Variants in ZNF638 observed in about 807,000 individuals in gnomAD.
ZNF638 encodes zinc finger protein 638, also known as CTCL tumor antigen se33-1.
ZNF638 carries 46 observed loss-of-function variants against 195.6 expected under a neutral mutation model. The observed-to-expected ratio is 0.24, with a 90% CI of 0.19 to 0.30. ZNF638 has a LOEUF of 0.30. Among genes scored for constraint, ZNF638 ranks in the 10% least tolerant of loss-of-function variants. The probability of loss-of-function intolerance (pLI) is 1.00; values close to 1 mark genes in which losing one functional copy is unlikely to be tolerated. For missense variants in ZNF638, 2,440 were observed against 2,325.3 expected (o/e 1.05, Z -1.01); for synonymous variants, 845 against 772.0 (o/e 1.09, Z -1.57).
chr2:71,410,978 C>G (rs868507755), intron 20 of ZNF638, among the ~76,000 whole-genome samples: 1 of 60,504 alleles, frequency 1.7e-5, no homozygotes, highest in African/African-American at 6.2e-5. Flanking sequence ...TCCCCACCCA[C>G]CACCTCCCCC....
chr2:71,364,961 A>G (rs1413761153), intron 5 of ZNF638, among the ~76,000 whole-genome samples: 4 of 152,202 alleles, frequency 2.6e-5, no homozygotes, highest in Admixed American at 6.5e-5. Flanking sequence ...TAAGCTCAAC[A>G]TTAAAATGTG....
chr2:71,403,886 A>G lies in ZNF638; in HGVS notation c.2846A>G (p.Asn949Ser), dbSNP rs140933858. 7.6e-6 allele frequency: 12 copies of G among 1,577,126 alleles called. No homozygotes were observed. The highest frequency in any genetic ancestry group is 1.8e-5 in the Admixed American group (1 of 55,832). Residue 949 changes from asparagine (N) to serine (S), a missense_variant, in exon 17 of 28, where the codon AAT (asparagine) becomes AGT (serine). Physicochemically the swap from Asn to Ser is conservative, Grantham distance 46. Around this residue, in one of 5 missense-constraint regions of ZNF638, gnomAD observed 1,883 missense variants for 1,739.1 expected, o/e 1.08. Transcript: ENST00000264447. ...TTTTAAAAGGCATATATAGAAATAA[A>G]TAGAAAAGCTGCTGAGTCTATGGTA... is the stretch of plus-strand genomic sequence containing the variant. ...SSHKKAYIEI[N>S]RKAAESMVKF...
At chr2:71,350,471 A>G (rs937630877) in intron 2 of ZNF638, among the ~76,000 whole-genome samples, 200 bp downstream of exon 2, 1 of 152,204 alleles carries the variant, frequency 6.6e-6, no homozygotes, top group African/African-American at 2.4e-5. Flanking sequence ...CTGTATTCCT[A>G]TGACCGGGCA....
chr2:71,399,763 G>A, intron 13 of ZNF638, 118 bp downstream of exon 13: 1 of 779,268 alleles, frequency 1.3e-6, no homozygotes, highest in Non-Finnish European at 2.1e-6. Flanking sequence ...GGGGTTTGTT[G>A]TACAGGTTAT....
At chr2:71,408,296 A>G (rs772165187) in intron 20 of ZNF638, 49 bp downstream of exon 20, 3 of 1,582,992 alleles carry the variant, frequency 1.9e-6, no homozygotes, top group Admixed American at 1.8e-5. Flanking sequence ...AATACAGAGA[A>G]CATAAAGGTC....
Position 71,349,425 on chromosome 2 carries a change from T to G in ZNF638, c.471T>G (p.Leu157=), listed in dbSNP as rs2078905442. ...TATCTAATGAAGACCTAGAAGAACT[T>G]AGTCGCTATCCTGATGAACAACTAA... ...FGLSNEDLEE[L]SRYPDEQLTP... Residue 157 remains leucine, a synonymous_variant, in exon 2 of 28, where the codon CTT becomes CTG. Transcript: ENST00000264447. 40 of 1,614,192 alleles carry G rather than the reference T, an allele frequency of 2.5e-5. No individual in the cohort carries two copies. Among genetic ancestry groups the G allele is most frequent in the Non-Finnish European group, 3.4e-5 (40 of 1,180,028 alleles).
chr2:71,360,828 T>A (rs979501205), intron 3 of ZNF638, among the ~76,000 whole-genome samples: 25 of 152,304 alleles, frequency 1.6e-4, no homozygotes, highest in Admixed American at 1.6e-3. Context: ...CCACCTTTGT[T>A]GGGAGCGTTA....
intron 8 of ZNF638, 88 bp downstream of exon 8, chr2:71,370,093 CA>C (rs2079281847): frequency 7.3e-7 from 1 of 1,376,708 alleles, no homozygotes; most frequent in Non-Finnish European, 1.0e-6. Context: ...TAGAAATAGG[CA>C]TAGAAACATA....
intron 1 of ZNF638, among the ~76,000 whole-genome samples, chr2:71,337,754 C>CTCCACCTGTCTCGGCCTCCCA (rs1553463717): frequency 1.3e-5 from 2 of 150,820 alleles, no homozygotes; most frequent in African/African-American, 2.4e-5. Context: ...TCAATTGACC[C>CTCCACCTGTCTCGGCCTCCCA]AATATTGTTT....
Position 71,400,484 on chromosome 2 carries a change from C to T in ZNF638, c.2663C>T (p.Ala888Val). 1 of 1,606,796 alleles carries T rather than the reference C, an allele frequency of 6.2e-7. No individual in the cohort carries two copies. Among genetic ancestry groups the T allele is most frequent in the Non-Finnish European group, 8.5e-7 (1 of 1,177,542 alleles). Residue 888 changes from alanine to valine, a missense_variant, in exon 15 of 28, where the codon GCT becomes GTT. Physicochemically the swap from Ala to Val is moderately conservative, Grantham distance 64. This residue lies in a region of ZNF638 where 1,883 missense variants were observed against 1,739.1 expected (regional missense o/e 1.08). Coordinates refer to ENST00000264447, the MANE Select transcript of ZNF638 (RefSeq NM_014497.5). The stretch of plus-strand genomic sequence containing the variant: ...AATTTTATTTTGTATTAAGATGCTG[C>T]TTTGGAGGCCACAGAGAATGAACCA... ...NCAKEAISDA[A>V]LEATENEPLN... is the part of the protein sequence containing the mutation.
chr2:71,342,406 A>G (rs1352578706), intron 1 of ZNF638, among the ~76,000 whole-genome samples: 1 of 151,812 alleles, frequency 6.6e-6, no homozygotes, highest in Non-Finnish European at 1.5e-5. Context: ...GCCCCACTAC[A>G]CATGTTCACT....
intron 19 of ZNF638, chr2:71,407,694 T>A (rs1324246764): frequency 6.5e-6 from 1 of 152,708 alleles, no homozygotes; most frequent in Non-Finnish European, 1.5e-5. Context: ...CTTTTGACAA[T>A]AACTCGCCAT....
intron 20 of ZNF638, among the ~76,000 whole-genome samples, chr2:71,408,960 A>G (rs1385486055): frequency 6.6e-6 from 1 of 152,138 alleles, no homozygotes; most frequent in Non-Finnish European, 1.5e-5. Flanking sequence ...TGATAATTTC[A>G]GAAAAAAATA....
chr2:71,402,121 G>T, intron 16 of ZNF638, 34 bp downstream of exon 16: 1 of 1,555,086 alleles, frequency 6.4e-7, no homozygotes, highest in Non-Finnish European at 8.7e-7. Flanking sequence ...CATATCCTCT[G>T]CAAGCATGCA....
At chr2:71,335,087 CTT>C (rs2078642725) in intron 1 of ZNF638, among the ~76,000 whole-genome samples, 2 of 152,284 alleles carry the variant, frequency 1.3e-5, no homozygotes, top group South Asian at 4.1e-4. Context: ...GGATCTCACT[CTT>C]TCTCTAAGGC....
rs993924674 is a variant in ZNF638, at chr2:71,424,107, G to A, written c.4524+69G>A. 8 of 1,523,754 alleles carry A rather than the reference G, an allele frequency of 5.3e-6. No homozygotes were observed. The African/African-American group carries it at 9.7e-5, about 19-fold the overall frequency. 94.4% of individuals were successfully genotyped at this position (1,523,754 alleles called of 1,614,324 possible). A position where few individuals can be genotyped will look rare whatever the true frequency, so the allele number is the denominator to read the frequency against. On this transcript the variant is annotated intron_variant, in intron 22 of 27. Coordinates refer to ENST00000264447, the MANE Select transcript of ZNF638 (RefSeq NM_014497.5). ...TTAGCTCCGCTGCTGTAGCTATGTA[G>A]TAGGAGATGTAATTTTGTTTCATAC...
At chr2:71,394,156 C>T (rs2079846019) in intron 10 of ZNF638, among the ~76,000 whole-genome samples, 1 of 152,126 alleles carries the variant, frequency 6.6e-6, no homozygotes, top group South Asian at 2.1e-4. Flanking sequence ...CTGGAGCCCC[C>T]ACGGTCATTT....
chr2:71,417,437 C>G (rs969142675), intron 20 of ZNF638, among the ~76,000 whole-genome samples: 2 of 152,118 alleles, frequency 1.3e-5, no homozygotes, highest in African/African-American at 4.8e-5. Flanking sequence ...CACCCGTCTT[C>G]TGCGTCGCTC....
intron 20 of ZNF638, among the ~76,000 whole-genome samples, chr2:71,417,259 C>A (rs924215192): frequency 1.8e-4 from 28 of 151,678 alleles, no homozygotes; most frequent in African/African-American, 6.8e-4. Context: ...TCCGTCACCC[C>A]TTTCTTTGAC....
Sources: gnomAD v4.1 joint callset for allele counts (sites outside exome capture counted in the v4.1 genomes callset) on GRCh38, gnomAD v4.1.1 for gene constraint, gnomAD v4.1.1 regional missense constraint, MANE v1.5 for transcripts, NCBI Gene and HGNC (gene_info 2026-07-23, HGNC 2026-07-21) for gene names.